Variants in SPTLC1 observed in about 807,000 individuals in gnomAD.
SPTLC1 encodes the protein serine palmitoyltransferase 1.
A neutral mutation model predicts 68.9 loss-of-function variants in SPTLC1; 55 were observed. The observed-to-expected ratio is 0.80, with a 90% CI of 0.64 to 1.00. The LOEUF (loss-of-function observed/expected upper bound fraction) is 1.00. Ranked by LOEUF, SPTLC1 falls within the 50% of genes least tolerant of loss-of-function variation. SPTLC1 has a pLI of 0.00. For missense variants in SPTLC1, 449 were observed against 573.1 expected (o/e 0.78, Z 2.21); for synonymous variants, 197 against 201.6 (o/e 0.98, Z 0.19).
At chr9:92,087,869 C>A (rs896053261) in intron 3 of SPTLC1, among the ~76,000 whole-genome samples, 6 of 152,266 alleles carry the variant, frequency 3.9e-5, no homozygotes, top group Non-Finnish European at 7.3e-5. Flanking sequence ...CAGAGGCAGG[C>A]AGACCTCCTT....
intron 7 of SPTLC1, among the ~76,000 whole-genome samples, chr9:92,055,848 C>T (rs1262783947): frequency 6.6e-6 from 1 of 152,172 alleles, no homozygotes; most frequent in Non-Finnish European, 1.5e-5. Flanking sequence ...GCTGACATTC[C>T]TGGGTTACAT....
intron 9 of SPTLC1, 105 bp from the exon 10 acceptor site, chr9:92,047,813 T>A: frequency 1.3e-6 from 1 of 743,164 alleles, no homozygotes; most frequent in Non-Finnish European, 2.4e-6. Context: ...TCTGTTAATA[T>A]CTGGATTCAA....
At chr9:92,061,003 C>A (rs1311644489) in intron 6 of SPTLC1, among the ~76,000 whole-genome samples, 1 of 151,596 alleles carries the variant, frequency 6.6e-6, no homozygotes, top group African/African-American at 2.4e-5. Context: ...GTCTCAGGGA[C>A]CCATGGGATT....
intron 8 of SPTLC1, chr9:92,051,341 T>C: frequency 4.8e-6 from 4 of 833,702 alleles, no homozygotes; most frequent in Non-Finnish European, 5.8e-6. Flanking sequence ...ATGTATTACA[T>C]ACACATTAGA....
At chr9:92,103,766 GC>G (rs1835847065) in intron 3 of SPTLC1, among the ~76,000 whole-genome samples, 1 of 152,222 alleles carries the variant, frequency 6.6e-6, no homozygotes, top group Non-Finnish European at 1.5e-5. Flanking sequence ...GCAGGATCTG[GC>G]TGGTCCTGTG....
intron 7 of SPTLC1, among the ~76,000 whole-genome samples, chr9:92,058,664 G>A (rs1833977224): frequency 6.6e-6 from 1 of 152,164 alleles, no homozygotes; most frequent in Non-Finnish European, 1.5e-5. Flanking sequence ...CCATGTTAGG[G>A]GCAGTCATTT....
chr9:92,088,182 T>C (rs1276365387), intron 3 of SPTLC1, among the ~76,000 whole-genome samples: 1 of 152,262 alleles, frequency 6.6e-6, no homozygotes, highest in Admixed American at 6.5e-5. Flanking sequence ...GGGAACTCCC[T>C]GACCCCTTGC....
intron 1 of SPTLC1, chr9:92,115,076 G>A (rs1169083185): frequency 3.4e-6 from 2 of 583,992 alleles, no homozygotes; most frequent in South Asian, 4.0e-5. Context: ...GCTTCCAGGG[G>A]ACCCGGAGCA....
At chr9:92,104,255 G>A (rs1410874462) in intron 3 of SPTLC1, among the ~76,000 whole-genome samples, 2 of 152,164 alleles carry the variant, frequency 1.3e-5, no homozygotes, top group African/African-American at 2.4e-5. Flanking sequence ...TCCTGGCCAC[G>A]CCACCGGCAA....
chr9:92,096,749 T>C (rs913168997), intron 3 of SPTLC1, among the ~76,000 whole-genome samples: 9 of 152,022 alleles, frequency 5.9e-5, no homozygotes, highest in Non-Finnish European at 1.0e-4. Context: ...AAAGAGTAAA[T>C]CTTCATAACC....
At chr9:92,072,203 C>T (rs1834518998) in intron 5 of SPTLC1, among the ~76,000 whole-genome samples, 1 of 152,200 alleles carries the variant, frequency 6.6e-6, no homozygotes, top group African/African-American at 2.4e-5. Context: ...CACGCTCTTC[C>T]ATCAAAGAGA....
intron 9 of SPTLC1, among the ~76,000 whole-genome samples, chr9:92,048,656 A>G (rs80155172): frequency 0.013 from 2,048 of 152,310 alleles, 53 homozygotes; most frequent in African/African-American, 0.046. Flanking sequence ...TCATCTATAA[A>G]CATTGCACTG....
chr9:92,077,723 C>T (rs1834732641), intron 5 of SPTLC1, among the ~76,000 whole-genome samples: 1 of 152,214 alleles, frequency 6.6e-6, no homozygotes, highest in African/African-American at 2.4e-5. Context: ...GTCTATACTA[C>T]CAGTTCACGC....
intron 3 of SPTLC1, among the ~76,000 whole-genome samples, chr9:92,097,888 T>C (rs1431402182): frequency 6.6e-6 from 1 of 152,216 alleles, no homozygotes; most frequent in African/African-American, 2.4e-5. Context: ...GTAAATTTTA[T>C]GGTAAATAGA....
In SPTLC1 at chr9:92,081,150, A is replaced by G. The variant is rs138136685; in HGVS notation, c.261-187T>C. 9.6e-3 allele frequency among the ~76,000 whole-genome samples: 1,463 copies of G among 152,288 alleles called. 10 individuals carry two copies. The highest frequency in any genetic ancestry group is 0.016 in the Non-Finnish European group (1,088 of 68,020). ...ATTAAAAATAAGATATTTTTCCATTAATTTTATTTTTAATAAAATACCTGT... is the reference window on the plus strand; with the variant it reads ...ATTAAAAATAAGATATTTTTCCATTGATTTTATTTTTAATAAAATACCTGT... On this transcript the variant is annotated intron_variant, in intron 3 of 14. Transcript: ENST00000262554.
chr9:92,082,792 C>T (rs1290013922), intron 3 of SPTLC1, among the ~76,000 whole-genome samples: 4 of 150,672 alleles, frequency 2.7e-5, no homozygotes, highest in Non-Finnish European at 5.9e-5. Context: ...ATTTCTAGTT[C>T]TAGATCCCTG....
chr9:92,054,766 A>T (rs1001910631), intron 8 of SPTLC1, among the ~76,000 whole-genome samples: 2 of 152,138 alleles, frequency 1.3e-5, no homozygotes, highest in African/African-American at 2.4e-5. Flanking sequence ...TACAAAAATT[A>T]GCTGGGGGTG....
intron 3 of SPTLC1, among the ~76,000 whole-genome samples, chr9:92,090,097 G>A (rs193243250): frequency 6.0e-4 from 91 of 152,286 alleles, no homozygotes; most frequent in African/African-American, 2.0e-3. Flanking sequence ...AATTTTAAGC[G>A]CAAAGAAGCT....
intron 6 of SPTLC1, among the ~76,000 whole-genome samples, chr9:92,064,119 C>T (rs564969612): frequency 1.3e-5 from 2 of 152,260 alleles, no homozygotes; most frequent in African/African-American, 4.8e-5. Context: ...AAAAACAGTT[C>T]CTAGAGCTAA....
Sources: gnomAD v4.1 joint callset for allele counts (sites outside exome capture counted in the v4.1 genomes callset) on GRCh38, gnomAD v4.1.1 for gene constraint, MANE v1.5 for transcripts, NCBI Gene and HGNC (gene_info 2026-07-23, HGNC 2026-07-21) for gene names.